ADGRL3: variants seen among roughly 807,000 people sequenced by gnomAD.
ADGRL3 encodes the protein adhesion G protein-coupled receptor L3, also known as calcium-independent alpha-latrotoxin receptor 3.
ADGRL3 carries 62 observed loss-of-function variants against 153.5 expected under a neutral mutation model. The observed-to-expected ratio is 0.40, with a 90% confidence interval of 0.33 to 0.50. The LOEUF (loss-of-function observed/expected upper bound fraction) is 0.50, where lower values mean the gene tolerates loss of function less well. Ranked by LOEUF, ADGRL3 falls within the 20% of genes least tolerant of loss-of-function variation. ADGRL3 has a pLI of 0.47. For missense variants in ADGRL3, 1,641 were observed against 1,859.4 expected, an observed-to-expected ratio of 0.88 and a Z score of 2.16; for synonymous variants, 710 against 672.5, an observed-to-expected ratio of 1.06 and a Z score of -0.86.
In ADGRL3 at chr4:61,659,120, C is replaced by T. The variant is rs112660493; in HGVS notation, c.474-17706C>T. 2.0e-4 allele frequency among the ~76,000 whole-genome samples: 30 copies of T among 152,210 alleles called. 2 individuals carry two copies. Among genetic ancestry groups the T allele is most frequent in the South Asian group, 8.3e-4 (4 of 4,822 alleles). ...ATTACCACATGACATTCTCCCTGTG[C>T]GTCTCTGTATCTGCATCCAAATTTC... On this transcript the variant is annotated intron_variant, in intron 5 of 26. Transcript: ENST00000683033.
intron 8 of ADGRL3, among the ~76,000 whole-genome samples, chr4:61,740,335 G>A (rs1424130680): frequency 6.6e-6 from 1 of 152,128 alleles, no homozygotes; most frequent in African/African-American, 2.4e-5. Context: ...ATTCTCACAT[G>A]AGCATCATAA....
chr4:61,425,501 C>T (rs2097265930), intron 2 of ADGRL3: 1 of 152,288 alleles, frequency 6.6e-6, no homozygotes, highest in South Asian at 2.1e-4. Context: ...GCTTTTGCAG[C>T]ATGTCAATCT....
intron 2 of ADGRL3, among the ~76,000 whole-genome samples, chr4:61,487,612 A>G (rs1331211991): frequency 6.6e-6 from 1 of 152,096 alleles, no homozygotes; most frequent in Non-Finnish European, 1.5e-5. Flanking sequence ...CCTGATTTCT[A>G]GTAGACTTGG....
chr4:61,310,405 G>C (rs1197033571), intron 1 of ADGRL3, among the ~76,000 whole-genome samples: 2 of 151,944 alleles, frequency 1.3e-5, no homozygotes, highest in Non-Finnish European at 2.9e-5. Flanking sequence ...TTTATATAAT[G>C]AGTGTTTAAA....
At chr4:61,669,402 T>C (rs1026120789) in intron 5 of ADGRL3, among the ~76,000 whole-genome samples, 21 of 152,188 alleles carry the variant, frequency 1.4e-4, no homozygotes, top group Non-Finnish European at 3.1e-4. Context: ...AATTGTTCAG[T>C]TGATTGACAT....
At chr4:61,425,317 C>T (rs937100689) in intron 2 of ADGRL3, 1 of 152,316 alleles carries the variant, frequency 6.6e-6, no homozygotes, top group Non-Finnish European at 1.5e-5. Context: ...TTTACCATTT[C>T]ACATTCCAGG....
chr4:62,070,237 G>T lies in ADGRL3; in HGVS notation c.3961G>T (p.Gly1321Cys). 1 of 1,613,550 alleles carries T rather than the reference G, an allele frequency of 6.2e-7. No homozygotes were observed. The highest frequency in any genetic ancestry group is 8.5e-7 in the Non-Finnish European group (1 of 1,179,790). The change falls in exon 27 of 27, where the codon GGC (glycine) becomes TGC (cysteine). Residue 1321 changes from glycine to cysteine, a missense_variant. Physicochemically the swap from Gly to Cys is radical, Grantham distance 159 (BLOSUM62 -3). This residue lies in a region of ADGRL3 where 517 missense variants were observed against 555.0 expected (regional missense o/e 0.93). Transcript: ENST00000683033. ...LSNCVQIIDR[G>C]YNHNETALEK... ...CAACTGTGTGCAAATCATAGACCGT[G>T]GCTATAACCATAACGAGACCGCCCT...
chr4:61,823,280 T>C (rs535442009), intron 9 of ADGRL3, among the ~76,000 whole-genome samples: 10 of 152,346 alleles, frequency 6.6e-5, no homozygotes, highest in African/African-American at 2.2e-4. Context: ...ATATGTTTAA[T>C]GTCTAAATAT....
At chr4:61,223,073 C>T (rs1185700174) in intron 1 of ADGRL3, among the ~76,000 whole-genome samples, 2 of 152,056 alleles carry the variant, frequency 1.3e-5, no homozygotes, top group African/African-American at 4.8e-5. Context: ...TTTATTTGCA[C>T]CTCTAAGAAT....
intron 9 of ADGRL3, among the ~76,000 whole-genome samples, chr4:61,828,631 G>T (rs1433275207): frequency 6.6e-6 from 1 of 152,078 alleles, no homozygotes; most frequent in Non-Finnish European, 1.5e-5. Context: ...ATTTTCTGAT[G>T]AGTTTAAATG....
At chr4:62,011,404 G>A (rs1343697217) in intron 21 of ADGRL3, among the ~76,000 whole-genome samples, 3 of 152,066 alleles carry the variant, frequency 2.0e-5, no homozygotes, top group South Asian at 4.2e-4. Flanking sequence ...GGAGAGCTTA[G>A]CAAGGCCTTT....
At chr4:61,685,784 T>C (rs927771052) in intron 6 of ADGRL3, among the ~76,000 whole-genome samples, 3 of 152,136 alleles carry the variant, frequency 2.0e-5, no homozygotes, top group African/African-American at 7.2e-5. Context: ...TCAAAATATG[T>C]TTGCAGAAGA....
chr4:61,306,289 G>A (rs367570302), intron 1 of ADGRL3, among the ~76,000 whole-genome samples: 55 of 151,856 alleles, frequency 3.6e-4, no homozygotes, highest in African/African-American at 1.0e-3. Context: ...TAGTAGAGAC[G>A]GGGTTTCACC....
At chr4:61,798,654 A>G (rs527452337) in intron 8 of ADGRL3, among the ~76,000 whole-genome samples, 8 of 151,720 alleles carry the variant, frequency 5.3e-5, no homozygotes, top group South Asian at 4.2e-4. Flanking sequence ...GTCTTGCTCT[A>G]TCGCTCAGGC....
chr4:61,677,126 G>T (rs1369291612), intron 6 of ADGRL3, 191 bp downstream of exon 6: 5 of 510,086 alleles, frequency 9.8e-6, no homozygotes, highest in South Asian at 2.6e-5. Context: ...CCTCTCCTAC[G>T]GCATTTACTT....
At chr4:62,019,593 C>A (rs1158528653) in intron 21 of ADGRL3, among the ~76,000 whole-genome samples, 2 of 151,880 alleles carry the variant, frequency 1.3e-5, no homozygotes, top group African/African-American at 4.8e-5. Context: ...CTTTCAATTT[C>A]TTTTAACAAT....
intron 9 of ADGRL3, among the ~76,000 whole-genome samples, chr4:61,814,219 CTA>C (rs1302697201): frequency 3.3e-5 from 5 of 150,870 alleles, no homozygotes; most frequent in African/African-American, 4.9e-5. Context: ...TCTTTTTCTA[CTA>C]TCTTATTTTT....
At chr4:61,578,132 G>T (rs1280302522) in intron 4 of ADGRL3, among the ~76,000 whole-genome samples, 1 of 151,960 alleles carries the variant, frequency 6.6e-6, no homozygotes, top group African/African-American at 2.4e-5. Flanking sequence ...TGATATTCTT[G>T]TATTTCCTTA....
At chr4:62,050,205 A>C (rs1237088314) in intron 25 of ADGRL3, among the ~76,000 whole-genome samples, 1 of 152,136 alleles carries the variant, frequency 6.6e-6, no homozygotes, top group Non-Finnish European at 1.5e-5. Context: ...CTAAATTAGA[A>C]ATTAAATGCA....
Sources: allele counts gnomAD v4.1 joint callset (sites outside exome capture counted in the v4.1 genomes callset), GRCh38; gene constraint gnomAD v4.1.1; regional missense constraint gnomAD v4.1.1; transcripts MANE v1.5; gene names NCBI Gene and HGNC (gene_info 2026-07-23, HGNC 2026-07-21).